CAMTA1: variants seen among roughly 807,000 people sequenced by gnomAD.
CAMTA1 encodes the protein calmodulin binding transcription activator 1.
A neutral mutation model predicts 170.9 loss-of-function variants in CAMTA1; 27 were observed. The observed-to-expected ratio is 0.16, with a 90% CI of 0.12 to 0.22. CAMTA1 has a LOEUF of 0.22. Among genes scored for constraint, CAMTA1 ranks in the 10% least tolerant of loss-of-function variants. The probability of loss-of-function intolerance (pLI) is 1.00; values close to 1 mark genes in which losing one functional copy is unlikely to be tolerated. For missense variants in CAMTA1, 1,619 were observed against 2,217.2 expected (o/e 0.73, Z 5.42); for synonymous variants, 833 against 891.5 (o/e 0.93, Z 1.17).
At position 6,836,077 on chromosome 1, in the gene CAMTA1, A is replaced by ACCCAGC. The variant is rs1383768241; in HGVS notation, c.234+10867_234+10868insCCCAGC. Among the ~76,000 whole-genome samples, 45 of 152,222 alleles carry ACCCAGC rather than the reference A, an allele frequency of 3.0e-4. 1 individual carries two copies. In the East Asian group the frequency reaches 5.4e-3, roughly 18 times the overall value. ...TGCCTGTCTACCTGTCTACCTGCCT[A>ACCCAGC]TCCAGCTACCTGCCTACCCACCTTC... On this transcript the variant is annotated intron_variant, in intron 3 of 22. Coordinates refer to ENST00000303635, the MANE Select transcript of CAMTA1 (RefSeq NM_015215.4).
chr1:7,503,485 GC>G (rs536139708), intron 6 of CAMTA1, among the ~76,000 whole-genome samples: 338 of 152,300 alleles, frequency 2.2e-3, no homozygotes, highest in African/African-American at 7.9e-3. Flanking sequence ...GCCCTGGCTG[GC>G]CACCTTCGCC....
chr1:7,439,052 G>A (rs1255488989), intron 5 of CAMTA1, among the ~76,000 whole-genome samples: 1 of 152,144 alleles, frequency 6.6e-6, no homozygotes, highest in Non-Finnish European at 1.5e-5. Flanking sequence ...CACAAAGAGG[G>A]GCAGCTTCTG....
At chr1:7,396,714 A>G (rs1484010479) in intron 5 of CAMTA1, among the ~76,000 whole-genome samples, 1 of 152,176 alleles carries the variant, frequency 6.6e-6, no homozygotes, top group African/African-American at 2.4e-5. Context: ...AGGGATGTCA[A>G]ATTTTATCAA....
At chr1:7,718,591 C>G (rs2096628580) in intron 11 of CAMTA1, among the ~76,000 whole-genome samples, 1 of 141,388 alleles carries the variant, frequency 7.1e-6, no homozygotes, top group African/African-American at 2.6e-5. Context: ...GGGTCTCGCT[C>G]TGTCACCCAG....
At chr1:7,437,958 T>C (rs1467898070) in intron 5 of CAMTA1, among the ~76,000 whole-genome samples, 1 of 152,188 alleles carries the variant, frequency 6.6e-6, no homozygotes, top group Admixed American at 6.5e-5. Context: ...TAAAAAATCA[T>C]CTCAAGTGGG....
At chr1:7,729,028 G>T (rs954333505) in intron 11 of CAMTA1, among the ~76,000 whole-genome samples, 1 of 152,140 alleles carries the variant, frequency 6.6e-6, no homozygotes, top group Non-Finnish European at 1.5e-5. Context: ...TTGGAAGGAA[G>T]ACGTTATTTT....
intron 4 of CAMTA1, among the ~76,000 whole-genome samples, chr1:7,193,758 A>G (rs530013339): frequency 1.5e-4 from 23 of 152,232 alleles, no homozygotes; most frequent in African/African-American, 5.1e-4. Context: ...GATGTCTGGA[A>G]TTCTGTAAGA....
intron 11 of CAMTA1, among the ~76,000 whole-genome samples, chr1:7,684,582 C>T (rs564266416): frequency 6.6e-6 from 1 of 152,340 alleles, no homozygotes; most frequent in Non-Finnish European, 1.5e-5. Context: ...ACCCCAGTCT[C>T]TGCCTGCACT....
chr1:6,917,444 T>C (rs1288484466), intron 3 of CAMTA1, among the ~76,000 whole-genome samples: 3 of 152,030 alleles, frequency 2.0e-5, no homozygotes, highest in Non-Finnish European at 2.9e-5. Context: ...CTTGCAATTA[T>C]TAACCTAGGT....
intron 4 of CAMTA1, among the ~76,000 whole-genome samples, chr1:7,132,524 C>T (rs1255214854): frequency 2.6e-5 from 4 of 152,176 alleles, no homozygotes; most frequent in Non-Finnish European, 5.9e-5. Context: ...TAATTATAGA[C>T]TCTCAAGAAG....
rs749605309 is a variant in CAMTA1, at chr1:7,751,350, G to A, written c.4841G>A (p.Arg1614Gln). 53 of 1,610,368 alleles carry A rather than the reference G, an allele frequency of 3.3e-5. No individual in the cohort carries two copies. Among genetic ancestry groups the A allele is most frequent in the Non-Finnish European group, 4.2e-5 (49 of 1,179,002 alleles). ...AGTTATAAGAAATGTGGCAAAAGAC[G>A]GCAGGCTCGCCGGACGGCTGTGATT... ...YRSYKKCGKR[R>Q]QARRTAVIVQ... Residue 1614 changes from arginine (R) to glutamine (Q), a missense_variant, in exon 20 of 23, where the codon CGG becomes CAG. Arg to Gln is a conservative substitution (Grantham distance 43). Transcript: ENST00000303635.
rs35457975 is a variant in CAMTA1 at position 6,872,233 on chromosome 1, T to TCACCAC, written c.234+47048_234+47053dup. On this transcript the variant is annotated intron_variant, in intron 3 of 22. Transcript: ENST00000303635. ...CCTTATCACACATACACCCTCACCATCACCACCACCACCACCACCACCACC... is the reference window on the plus strand; with the variant it reads ...CCTTATCACACATACACCCTCACCATCACCACCACCACCACCACCACCACCACCACC... 3.9e-3 allele frequency among the ~76,000 whole-genome samples: 592 copies of TCACCAC among 150,162 alleles called. 5 individuals carry two copies. The highest frequency in any genetic ancestry group is 9.9e-3 in the African/African-American group (404 of 40,810).
chr1:7,470,498 T>C (rs1274277215), intron 6 of CAMTA1, among the ~76,000 whole-genome samples: 1 of 152,106 alleles, frequency 6.6e-6, no homozygotes, highest in Non-Finnish European at 1.5e-5. Flanking sequence ...GGGTCCAAGG[T>C]GTCAGGGCAG....
intron 22 of CAMTA1, among the ~76,000 whole-genome samples, chr1:7,763,747 T>G (rs1286566622): frequency 6.6e-6 from 1 of 152,252 alleles, no homozygotes; most frequent in Non-Finnish European, 1.5e-5. Flanking sequence ...AATGATGAAC[T>G]TAATATTTCT....
rs1185289613 is a variant in CAMTA1, at chr1:7,580,774, G to T, written c.511-59626G>T. 1.3e-5 allele frequency among the ~76,000 whole-genome samples: 2 copies of T among 152,104 alleles called. No homozygotes were observed. Among genetic ancestry groups the T allele is most frequent in the Non-Finnish European group, 2.9e-5 (2 of 68,022 alleles). On this transcript the variant is annotated intron_variant, in intron 6 of 22. Coordinates refer to ENST00000303635, the MANE Select transcript of CAMTA1 (RefSeq NM_015215.4). The surrounding 1 kb of genome is among the most constrained non-coding windows in gnomAD (Gnocchi z 4.3). The stretch of plus-strand genomic sequence containing the variant: ...TGGCATTTGACTCTGGCTTTGGAGG[G>T]TTTGGTTATCTCCTCCCCAACCAAG...
intron 6 of CAMTA1, among the ~76,000 whole-genome samples, chr1:7,555,872 A>T (rs989540185): frequency 2.0e-5 from 3 of 152,184 alleles, no homozygotes; most frequent in African/African-American, 4.8e-5. Context: ...CACCAGCTCC[A>T]ATCTAAGCCG....
chr1:7,736,199 C>A lies in CAMTA1; in HGVS notation c.3067-145C>A. On this transcript the variant is annotated intron_variant, in intron 12 of 22. Transcript: ENST00000303635. The surrounding 1 kb of genome is among the most constrained non-coding windows in gnomAD (Gnocchi z 4.5). Reference sequence around the variant, plus strand: ...GGATTTCAGGCATGATCCAGCATGCCCAGCCAATGTTTCTTTATTTTCAGT... The same window carrying A: ...GGATTTCAGGCATGATCCAGCATGCACAGCCAATGTTTCTTTATTTTCAGT... 1.3e-6 allele frequency: 1 copy of A among 767,012 alleles called. No homozygotes were observed. The highest frequency in any genetic ancestry group is 2.1e-6 in the Non-Finnish European group (1 of 480,282). The allele number at this position is 767,012 out of a possible 1,614,324, so 47.5% of individuals were successfully genotyped here.
At chr1:7,606,961 G>A (rs970893703) in intron 6 of CAMTA1, among the ~76,000 whole-genome samples, 2 of 152,246 alleles carry the variant, frequency 1.3e-5, no homozygotes, top group Non-Finnish European at 2.9e-5. Context: ...TCAGCACCAG[G>A]AGAGTTAGCT....
chr1:7,358,366 A>G (rs2085285523), intron 5 of CAMTA1, among the ~76,000 whole-genome samples: 2 of 152,270 alleles, frequency 1.3e-5, no homozygotes, highest in African/African-American at 4.8e-5. Flanking sequence ...ACGAGAAGTC[A>G]GAGCATGTCA....
Sources: gnomAD v4.1 joint callset for allele counts (sites outside exome capture counted in the v4.1 genomes callset) on GRCh38, gnomAD v4.1.1 for gene constraint, Gnocchi (gnomAD v3.1) non-coding constraint, MANE v1.5 for transcripts, NCBI Gene and HGNC (gene_info 2026-07-23, HGNC 2026-07-21) for gene names.